USP30: variants seen among roughly 807,000 people sequenced by gnomAD.
The protein encoded by USP30 is ubiquitin carboxyl-terminal hydrolase 30.
USP30 carries 41 observed loss-of-function variants against 68.2 expected under a neutral mutation model. The observed-to-expected ratio is 0.60, with a 90% CI of 0.47 to 0.78. USP30 has a LOEUF of 0.78. USP30 is among the 30% of genes least tolerant of loss of function. The pLI, the probability that USP30 is intolerant of heterozygous loss-of-function variation, is 0.00. For synonymous variants in USP30, 229 were observed against 253.7 expected (o/e 0.90, Z 0.93); for missense variants, 522 against 649.4 (o/e 0.80, Z 2.13).
chr12:109,069,091 TG>T (rs2041349535), intron 4 of USP30, among the ~76,000 whole-genome samples: 1 of 152,186 alleles, frequency 6.6e-6, no homozygotes, highest in South Asian at 2.1e-4. Context: ...CTCAGAGAAG[TG>T]GAATGATTTG....
chr12:109,057,859 C>A, intron 2 of USP30, 67 bp from the exon 3 acceptor site: 1 of 1,516,238 alleles, frequency 6.6e-7, no homozygotes, highest in Non-Finnish European at 8.9e-7. Context: ...AACTCTGGGT[C>A]CCACATGGGA....
At position 109,079,339 on chromosome 12, in the gene USP30, C is replaced by CTTTTTTTTTTTTT. The variant is rs750712233; in HGVS notation, c.721-1984_721-1983insTTTTTTTTTTTTT. Among the ~76,000 whole-genome samples, 14 of 62,248 alleles carry CTTTTTTTTTTTTT rather than the reference C, an allele frequency of 2.2e-4. 1 individual carries two copies. Among genetic ancestry groups the CTTTTTTTTTTTTT allele is most frequent in the African/African-American group, 4.8e-4 (7 of 14,534 alleles). 40.8% of individuals were successfully genotyped at this position (62,248 alleles called of 152,430 possible). A position where few individuals can be genotyped will look rare whatever the true frequency, so the allele number is the denominator to read the frequency against. ...TTTTCTCTTTTTTTCTTTTCTTTTT[C>CTTTTTTTTTTTTT]TTTTTTTTTTTCTTTTTTTTTTTTT... On this transcript the variant is annotated intron_variant, in intron 7 of 12. Coordinates refer to ENST00000257548, the MANE Select transcript of USP30 (RefSeq NM_032663.5).
rs2041405001 is a variant in USP30, at chr12:109,070,495, C to T, written c.481-1117C>T. ...AAGGAACAGCAAAGAGGCCAGGGGC[C>T]GGGACATTGTGAATGTTGGGGGCTT... On this transcript the variant is annotated intron_variant, in intron 4 of 12. Coordinates refer to ENST00000257548, the MANE Select transcript of USP30 (RefSeq NM_032663.5). The surrounding 1 kb of genome is among the most constrained non-coding windows in gnomAD (Gnocchi z 4.0). 6.6e-6 allele frequency among the ~76,000 whole-genome samples: 1 copy of T among 152,064 alleles called. No individual in the cohort carries two copies. Among genetic ancestry groups the T allele is most frequent in the Non-Finnish European group, 1.5e-5 (1 of 68,004 alleles).
At chr12:109,028,353 A>G (rs1361769636) in intron 3 of USP30, among the ~76,000 whole-genome samples, 1 of 152,166 alleles carries the variant, frequency 6.6e-6, no homozygotes. Flanking sequence ...TACAGGAAGC[A>G]TGGCGCTGGC....
chr12:109,039,157 A>G (rs1041207624), intron 3 of USP30, among the ~76,000 whole-genome samples: 2 of 152,196 alleles, frequency 1.3e-5, no homozygotes, highest in African/African-American at 2.4e-5. Flanking sequence ...TGATCTATCT[A>G]TGAAATCTTT....
At chr12:109,038,728 T>C (rs558443786) in intron 3 of USP30, among the ~76,000 whole-genome samples, 2 of 152,362 alleles carry the variant, frequency 1.3e-5, no homozygotes, top group South Asian at 4.1e-4. Flanking sequence ...TTTACATTCC[T>C]GCTAGCAACG....
chr12:109,061,447 C>T (rs1354042338), intron 3 of USP30, among the ~76,000 whole-genome samples: 3 of 149,712 alleles, frequency 2.0e-5, no homozygotes, highest in Non-Finnish European at 3.0e-5. Flanking sequence ...TTCTGTCTGT[C>T]GCCCAGGCTG....
chr12:109,079,628 A>G (rs2041738034), intron 7 of USP30, among the ~76,000 whole-genome samples: 1 of 151,506 alleles, frequency 6.6e-6, no homozygotes, highest in African/African-American at 2.4e-5. Context: ...AGCCTCCCAA[A>G]GTGTTGGGAT....
At chr12:109,036,911 G>C (rs1419259384) in intron 3 of USP30, among the ~76,000 whole-genome samples, 1 of 152,050 alleles carries the variant, frequency 6.6e-6, no homozygotes. Context: ...GGACCTCTTT[G>C]AATATATTCT....
In USP30 at chr12:109,071,689, G is replaced by A. The variant is rs984536816; in HGVS notation, c.558G>A (p.Leu186=). ...ACCGCCAGCCTCGGGTCACACATTTGTTTGATGTGCATTCCCTGGAGGTAA... is the reference window on the plus strand; with the variant it reads ...ACCGCCAGCCTCGGGTCACACATTTATTTGATGTGCATTCCCTGGAGGTAA... The part of the protein sequence containing the change: ...ERDRQPRVTH[L]FDVHSLEQQS... The change falls in exon 5 of 13, where the codon TTG becomes TTA. Residue 186 remains leucine, a synonymous_variant. Coordinates refer to ENST00000257548, the MANE Select transcript of USP30 (RefSeq NM_032663.5). 7 of 1,614,154 alleles carry A rather than the reference G, an allele frequency of 4.3e-6. No individual in the cohort carries two copies. Among genetic ancestry groups the A allele is most frequent in the South Asian group, 2.2e-5 (2 of 91,086 alleles).
intron 1 of USP30, chr12:109,053,092 C>T: frequency 4.3e-6 from 1 of 232,950 alleles, no homozygotes. Context: ...CCTCCTAGGC[C>T]TGCCAAGACC....
At chr12:109,028,546 C>T (rs542448692) in intron 3 of USP30, among the ~76,000 whole-genome samples, 1 of 152,114 alleles carries the variant, frequency 6.6e-6, no homozygotes, top group East Asian at 1.9e-4. Flanking sequence ...GGTGTGGTCT[C>T]AGCTCACTGC....
chr12:109,086,076 C>G lies in USP30; in HGVS notation c.*145C>G. ...TCTAAGAGCAGGCTCCACCTGGGAG[C>G]CAGCCCCAGTTCACACCAAACCAGG... is the stretch of plus-strand genomic sequence containing the variant. On this transcript the variant is annotated 3_prime_UTR_variant, in exon 13 of 13. Coordinates refer to ENST00000257548, the MANE Select transcript of USP30 (RefSeq NM_032663.5). 8.0e-7 allele frequency: 1 copy of G among 1,254,524 alleles called. No homozygotes were observed. Among genetic ancestry groups the G allele is most frequent in the Non-Finnish European group, 1.1e-6 (1 of 931,888 alleles). The allele number at this position is 1,254,524 out of a possible 1,614,324, so 77.7% of individuals were successfully genotyped here. A position where few individuals can be genotyped will look rare whatever the true frequency, so the allele number is the denominator to read the frequency against.
chr12:109,046,090 G>A (rs183944550), intron 3 of USP30, among the ~76,000 whole-genome samples: 2 of 118,118 alleles, frequency 1.7e-5, no homozygotes, highest in South Asian at 3.1e-4. Context: ...GGGGAAGTCA[G>A]TCTTTTTTTT....
At chr12:109,068,615 C>A (rs1352307286) in intron 4 of USP30, among the ~76,000 whole-genome samples, 1 of 152,184 alleles carries the variant, frequency 6.6e-6, no homozygotes, top group Non-Finnish European at 1.5e-5. Context: ...AATTATTTAT[C>A]TACATTTTAC....
intron 12 of USP30, 109 bp from the exon 13 acceptor site, chr12:109,085,558 G>T (rs544881569): frequency 1.5e-6 from 2 of 1,352,182 alleles, no homozygotes; most frequent in South Asian, 2.7e-5. Flanking sequence ...TGGTGGTATG[G>T]ACTTACCATT....
At chr12:109,036,006 C>T (rs975155922) in intron 3 of USP30, among the ~76,000 whole-genome samples, 1 of 152,000 alleles carries the variant, frequency 6.6e-6, no homozygotes, top group African/African-American at 2.4e-5. Context: ...AAAAAATAAA[C>T]AAAATTAGCT....
chr12:109,046,772 C>T (rs894197651), intron 3 of USP30, among the ~76,000 whole-genome samples: 2 of 152,164 alleles, frequency 1.3e-5, no homozygotes, highest in African/African-American at 4.8e-5. Context: ...TCTTGGCTCA[C>T]TGCCACCTCC....
intron 11 of USP30, 94 bp downstream of exon 11, chr12:109,083,156 C>G: frequency 7.8e-7 from 1 of 1,275,728 alleles, no homozygotes; most frequent in Non-Finnish European, 1.1e-6. Context: ...ATGACAGGAG[C>G]ACAAGGCTTG....
Sources: allele counts gnomAD v4.1 joint callset (sites outside exome capture counted in the v4.1 genomes callset), GRCh38; gene constraint gnomAD v4.1.1; non-coding constraint Gnocchi (gnomAD v3.1); transcripts MANE v1.5; gene names NCBI Gene and HGNC (gene_info 2026-07-23, HGNC 2026-07-21).